The following PRKN variants were observed in gnomAD, a reference collection of about 807,000 sequenced individuals.
PRKN encodes E3 ubiquitin-protein ligase parkin.
In PRKN, 56 loss-of-function variants were observed where a neutral mutation model predicts 59.5. The ratio of observed to expected loss-of-function variants is 0.94; its 90% CI spans 0.76 to 1.18. The LOEUF is 1.18. Ranked by LOEUF, PRKN falls within the 50% of genes most tolerant of loss-of-function variation. The probability of loss-of-function intolerance (pLI) is 0.00; values close to 1 mark genes in which losing one functional copy is unlikely to be tolerated. For synonymous variants in PRKN, 250 were observed against 222.1 expected, an observed-to-expected ratio of 1.13 and a Z score of -1.12; for missense variants, 657 against 596.4, an observed-to-expected ratio of 1.10 and a Z score of -1.06.
chr6:162,262,757 G>C lies in PRKN; in HGVS notation c.180C>G (p.Asp60Glu). Reference sequence around the variant, plus strand: ...TGTGAACAATGCTCTGCTGATCCAGGTCACAATTCTGTTTGGGAGCAAGGT... The same window carrying C: ...TGTGAACAATGCTCTGCTGATCCAGCTCACAATTCTGTTTGGGAGCAAGGT... ...LRNDWTVQNC[D>E]LDQQSIVHIV... Residue 60 changes from aspartate to glutamate, a missense_variant, in exon 3 of 12, where the codon GAC becomes GAG. By Grantham distance (45) the Asp-to-Glu change is conservative. Coordinates refer to ENST00000366898, the MANE Select transcript of PRKN (RefSeq NM_004562.3). The C allele has an allele frequency of 6.3e-7, 1 of 1,598,468 alleles. No homozygotes were observed. The highest frequency in any genetic ancestry group is 1.1e-5 in the South Asian group (1 of 90,692).
At chr6:161,408,333 AAAAGC>A (rs1480960946) in intron 9 of PRKN, among the ~76,000 whole-genome samples, 78 of 151,924 alleles carry the variant, frequency 5.1e-4, no homozygotes, top group African/African-American at 1.8e-3. Flanking sequence ...AAAAAAAAAA[AAAAGC>A]CCATCAGCAT....
At chr6:161,856,978 A>ACAGTGGCTCATGGCTGTAATCC (rs141779675) in intron 6 of PRKN, among the ~76,000 whole-genome samples, 1 of 151,518 alleles carries the variant, frequency 6.6e-6, no homozygotes, top group Non-Finnish European at 1.5e-5. Flanking sequence ...TAGTCCTGGC[A>ACAGTGGCTCATGGCTGTAATCC]CAGTACTTTG....
At chr6:162,114,138 T>A (rs1431325340) in intron 4 of PRKN, among the ~76,000 whole-genome samples, 4 of 152,066 alleles carry the variant, frequency 2.6e-5, no homozygotes, top group Non-Finnish European at 5.9e-5. Context: ...TAGTTTGAAG[T>A]CAGGTAGCGT....
At chr6:161,350,433 T>A (rs149981427) in intron 11 of PRKN, among the ~76,000 whole-genome samples, 1 of 151,660 alleles carries the variant, frequency 6.6e-6, no homozygotes, top group East Asian at 1.9e-4. Context: ...AATTGAAGCA[T>A]GTCACTTTTG....
In PRKN at chr6:161,362,716, C is replaced by T. The variant is rs1300332779; in HGVS notation, c.1168-2511G>A. ...TTAATTTGAAATATTACCAGATTGG[C>T]ATATACCCTGGAACCAGGCGGAAGC... On this transcript the variant is annotated intron_variant, in intron 10 of 11. Transcript: ENST00000366898. This position sits in a 1 kb window ranked among gnomAD's most constrained non-coding sequence, Gnocchi z 5.2. Among the ~76,000 whole-genome samples, 3 of 152,198 alleles carry T rather than the reference C, an allele frequency of 2.0e-5. No individual in the cohort carries two copies. In the East Asian group the frequency reaches 5.8e-4, roughly 29 times the overall value.
At position 161,487,400 on chromosome 6, in the gene PRKN, G is replaced by A. The variant is rs1791706784; in HGVS notation, c.1083+61454C>T. ...AGGCAAGGAAGACAGTCTGGGGCCTGTGGGATGGCAAAGGAATTTTCTAGA... is the reference window on the plus strand; with the variant it reads ...AGGCAAGGAAGACAGTCTGGGGCCTATGGGATGGCAAAGGAATTTTCTAGA... On this transcript the variant is annotated intron_variant, in intron 9 of 11. Transcript: ENST00000366898. The surrounding 1 kb of genome is among the most constrained non-coding windows in gnomAD (Gnocchi z 5.3). Among the ~76,000 whole-genome samples the A allele has an allele frequency of 6.6e-6, 1 of 152,202 alleles. No homozygotes were observed. The highest frequency in any genetic ancestry group is 2.4e-5 in the African/African-American group (1 of 41,464).
rs748212596 is a variant in PRKN, at chr6:162,356,747, TAAAAAA to T, written c.171+86557_171+86562del. Among the ~76,000 whole-genome samples the T allele has an allele frequency of 1.5e-4, 11 of 73,062 alleles. No homozygotes were observed. The East Asian group carries it at 2.3e-3, about 15-fold the overall frequency. 47.9% of individuals were successfully genotyped at this position (73,062 alleles called of 152,430 possible). A position where few individuals can be genotyped will look rare whatever the true frequency, so the allele number is the denominator to read the frequency against. On this transcript the variant is annotated intron_variant, in intron 2 of 11. Transcript: ENST00000366898. Reference sequence around the variant, plus strand: ...CACAGTAATAAAGTGTGATTATTAGTAAAAAAAAAAAAAAAAAAAAAAAGATAAGAT... The same window carrying T: ...CACAGTAATAAAGTGTGATTATTAGTAAAAAAAAAAAAAAAAAGATAAGAT...
intron 6 of PRKN, among the ~76,000 whole-genome samples, chr6:161,833,173 C>G (rs896759353): frequency 1.3e-5 from 2 of 152,132 alleles, no homozygotes; most frequent in Non-Finnish European, 2.9e-5. Context: ...GCCCCCTTTT[C>G]TGATTGAGCT....
intron 3 of PRKN, among the ~76,000 whole-genome samples, chr6:162,242,119 C>T (rs1298461244): frequency 1.3e-5 from 2 of 152,096 alleles, no homozygotes; most frequent in African/African-American, 4.8e-5. Flanking sequence ...AAATTTTTCA[C>T]AACCTACAAA....
intron 1 of PRKN, among the ~76,000 whole-genome samples, chr6:162,684,399 A>G (rs774770288): frequency 6.6e-6 from 1 of 152,124 alleles, no homozygotes; most frequent in Non-Finnish European, 1.5e-5. Context: ...TTCAAAAATT[A>G]TGTCTAGTTT....
At chr6:162,298,999 C>A (rs1781819191) in intron 2 of PRKN, among the ~76,000 whole-genome samples, 1 of 152,164 alleles carries the variant, frequency 6.6e-6, no homozygotes, top group African/African-American at 2.4e-5. Context: ...AAAGAGCCTC[C>A]ACATCCTACT....
intron 1 of PRKN, among the ~76,000 whole-genome samples, chr6:162,655,200 A>T (rs1271760105): frequency 6.6e-6 from 1 of 152,188 alleles, no homozygotes; most frequent in Non-Finnish European, 1.5e-5. Flanking sequence ...TAAATATATT[A>T]TCACATTTGT....
chr6:162,662,135 G>T (rs1279538567), intron 1 of PRKN, among the ~76,000 whole-genome samples: 1 of 151,702 alleles, frequency 6.6e-6, no homozygotes, highest in African/African-American at 2.4e-5. Context: ...TACATATCCA[G>T]TAATGGGATT....
intron 4 of PRKN, among the ~76,000 whole-genome samples, chr6:162,173,684 C>A (rs1028361595): frequency 6.6e-6 from 1 of 152,090 alleles, no homozygotes; most frequent in Non-Finnish European, 1.5e-5. Flanking sequence ...TTGTCTTACA[C>A]CAATCAATAA....
At chr6:161,761,228 C>T (rs1011537825) in intron 7 of PRKN, among the ~76,000 whole-genome samples, 12 of 152,162 alleles carry the variant, frequency 7.9e-5, no homozygotes, top group Admixed American at 7.9e-4. Context: ...TGTCTTTCTC[C>T]AGATAAGACG....
At position 161,448,133 on chromosome 6, in the gene PRKN, T is replaced by A. The variant is rs993034604; in HGVS notation, c.1084-61256A>T. 1.5e-4 allele frequency among the ~76,000 whole-genome samples: 23 copies of A among 152,334 alleles called. No individual in the cohort carries two copies. The highest frequency in any genetic ancestry group is 1.4e-3 in the South Asian group (7 of 4,828). On this transcript the variant is annotated intron_variant, in intron 9 of 11. Coordinates refer to ENST00000366898, the MANE Select transcript of PRKN (RefSeq NM_004562.3). This position sits in a 1 kb window ranked among gnomAD's most constrained non-coding sequence, Gnocchi z 5.1. ...TTACATCTGTGTGTTAGCCGTTGTA[T>A]GGAAAACACCGTGATTCTGTTCAGC...
At chr6:162,652,213 G>C (rs554957471) in intron 1 of PRKN, among the ~76,000 whole-genome samples, 2 of 152,180 alleles carry the variant, frequency 1.3e-5, no homozygotes, top group African/African-American at 4.8e-5. Flanking sequence ...CCTCATATTT[G>C]GGCATACGTG....
chr6:162,551,532 C>CCCTTTT (rs1779332789), intron 1 of PRKN, among the ~76,000 whole-genome samples: 1 of 152,138 alleles, frequency 6.6e-6, no homozygotes, highest in Non-Finnish European at 1.5e-5. Context: ...TAGCATTTTT[C>CCCTTTT]CCTTTTCCTT....
At chr6:161,798,527 T>C (rs536798746) in intron 6 of PRKN, among the ~76,000 whole-genome samples, 17 of 152,318 alleles carry the variant, frequency 1.1e-4, no homozygotes, top group Admixed American at 9.8e-4. Flanking sequence ...CGAAAGCTTG[T>C]AGGACTTAAT....
Sources: gnomAD v4.1 joint callset for allele counts (sites outside exome capture counted in the v4.1 genomes callset) on GRCh38, gnomAD v4.1.1 for gene constraint, Gnocchi (gnomAD v3.1) non-coding constraint, MANE v1.5 for transcripts, NCBI Gene and HGNC (gene_info 2026-07-23, HGNC 2026-07-21) for gene names.